The following LIMCH1 variants were observed in gnomAD, a reference collection of about 807,000 sequenced individuals.
LIMCH1 encodes the protein LIM and calponin homology domains-containing protein 1.
A neutral mutation model predicts 176.5 loss-of-function variants in LIMCH1; 113 were observed. That is an observed-to-expected ratio of 0.64 (90% CI 0.55 to 0.75). The LOEUF is 0.75. Among genes scored for constraint, LIMCH1 ranks in the 30% least tolerant of loss-of-function variants. The pLI, the probability that LIMCH1 is intolerant of heterozygous loss-of-function variation, is 0.00. For missense variants in LIMCH1, 1,674 were observed against 1,814.9 expected (o/e 0.92, Z 1.41); for synonymous variants, 619 against 645.9 (o/e 0.96, Z 0.63).
intron 1 of LIMCH1, among the ~76,000 whole-genome samples, chr4:41,556,959 T>C (rs2152537261): frequency 6.6e-6 from 1 of 152,320 alleles, no homozygotes; most frequent in East Asian, 1.9e-4. Context: ...GCTAGGTTAA[T>C]AGAGCTCTTT....
intron 3 of LIMCH1, among the ~76,000 whole-genome samples, chr4:41,530,089 T>C (rs2077094401): frequency 6.6e-6 from 1 of 152,228 alleles, no homozygotes; most frequent in Admixed American, 6.5e-5. Flanking sequence ...TGCTTTAGTT[T>C]ATGAAAACTG....
At chr4:41,630,350 T>A (rs1218935489) in intron 9 of LIMCH1, among the ~76,000 whole-genome samples, 2 of 152,170 alleles carry the variant, frequency 1.3e-5, no homozygotes, top group Non-Finnish European at 2.9e-5. Flanking sequence ...CAGCATGAGA[T>A]GAATTTATTA....
chr4:41,420,181 G>A (rs140465405), intron 1 of LIMCH1, among the ~76,000 whole-genome samples: 14 of 152,248 alleles, frequency 9.2e-5, no homozygotes, highest in East Asian at 5.8e-4. Flanking sequence ...TCCATTTTCC[G>A]TGTGTCAGTG....
intron 13 of LIMCH1, among the ~76,000 whole-genome samples, chr4:41,634,990 G>C (rs992393212): frequency 2.6e-5 from 4 of 152,182 alleles, no homozygotes; most frequent in African/African-American, 7.2e-5. Flanking sequence ...GTGAGGCCTA[G>C]AGACTGCCTA....
chr4:41,435,000 C>A (rs2061938985), intron 1 of LIMCH1, among the ~76,000 whole-genome samples: 3 of 152,110 alleles, frequency 2.0e-5, no homozygotes, highest in Admixed American at 6.6e-5. Context: ...TATCTTAATC[C>A]TTAGAGCCTC....
At chr4:41,455,747 G>C (rs755521024) in intron 1 of LIMCH1, among the ~76,000 whole-genome samples, 4 of 152,192 alleles carry the variant, frequency 2.6e-5, no homozygotes, top group African/African-American at 7.2e-5. Flanking sequence ...TTTGAGTTTG[G>C]TGACTTATTC....
chr4:41,553,118 G>T (rs2080741680), intron 1 of LIMCH1, among the ~76,000 whole-genome samples: 1 of 152,146 alleles, frequency 6.6e-6, no homozygotes, highest in African/African-American at 2.4e-5. Flanking sequence ...TGGCCAGTTG[G>T]TCTCTGCGAG....
At chr4:41,511,995 C>G (rs1403296374) in intron 2 of LIMCH1, among the ~76,000 whole-genome samples, 1 of 152,010 alleles carries the variant, frequency 6.6e-6, no homozygotes, top group Non-Finnish European at 1.5e-5. Flanking sequence ...AAAATATTTG[C>G]AAATCATATA....
At chr4:41,674,752 T>C (rs981993754) in intron 22 of LIMCH1, among the ~76,000 whole-genome samples, 4 of 152,226 alleles carry the variant, frequency 2.6e-5, no homozygotes, top group Admixed American at 2.0e-4. Context: ...TATTTTATGA[T>C]AAAGTGTTGA....
At chr4:41,593,932 T>G (rs1427519688) in intron 1 of LIMCH1, among the ~76,000 whole-genome samples, 1 of 151,950 alleles carries the variant, frequency 6.6e-6, no homozygotes, top group Non-Finnish European at 1.5e-5. Context: ...ACTCGCAACC[T>G]CTCTCTCTCT....
intron 1 of LIMCH1, among the ~76,000 whole-genome samples, chr4:41,542,901 C>G (rs1338356801): frequency 6.6e-6 from 1 of 152,212 alleles, no homozygotes; most frequent in Non-Finnish European, 1.5e-5. Context: ...TAACATTGTC[C>G]TCACATTATT....
At chr4:41,657,757 A>C (rs946751931) in intron 18 of LIMCH1, among the ~76,000 whole-genome samples, 1 of 152,184 alleles carries the variant, frequency 6.6e-6, no homozygotes, top group African/African-American at 2.4e-5. Flanking sequence ...TATTTACTTA[A>C]CAAGGATTAC....
At chr4:41,458,168 A>C (rs1399582319) in intron 1 of LIMCH1, among the ~76,000 whole-genome samples, 4 of 152,152 alleles carry the variant, frequency 2.6e-5, no homozygotes, top group African/African-American at 7.2e-5. Flanking sequence ...GTACCCACAA[A>C]ATTTTTAAAA....
intron 1 of LIMCH1, among the ~76,000 whole-genome samples, chr4:41,475,025 G>A (rs2067522988): frequency 6.6e-6 from 1 of 152,108 alleles, no homozygotes; most frequent in African/African-American, 2.4e-5. Context: ...CAATATGAGC[G>A]AACCTAGAGG....
In LIMCH1 at chr4:41,378,103, C is replaced by A. The variant is rs138527586; in HGVS notation, c.96+17167C>A. Among the ~76,000 whole-genome samples the A allele has an allele frequency of 7.2e-3, 1,100 of 152,186 alleles. 5 individuals carry two copies. Among genetic ancestry groups the A allele is most frequent in the Non-Finnish European group, 0.011 (721 of 68,034 alleles). ...AGAGGTGACAGCAATGGCTAGACCTCGAAGGGAACATGAGCAGAGGCATGG... is the reference window on the plus strand; with the variant it reads ...AGAGGTGACAGCAATGGCTAGACCTAGAAGGGAACATGAGCAGAGGCATGG... On this transcript the variant is annotated intron_variant, in intron 1 of 26. Transcript: ENST00000313860.
intron 1 of LIMCH1, among the ~76,000 whole-genome samples, chr4:41,400,090 A>G (rs2058260339): frequency 6.6e-6 from 1 of 151,828 alleles, no homozygotes; most frequent in African/African-American, 2.4e-5. Flanking sequence ...GGTAAGTAAT[A>G]AAACCAAGGT....
chr4:41,658,305 GCTA>G (rs1283943612), intron 18 of LIMCH1, among the ~76,000 whole-genome samples: 2 of 152,178 alleles, frequency 1.3e-5, no homozygotes, highest in Non-Finnish European at 2.9e-5. Context: ...TTCTGCTGTT[GCTA>G]CTATCAAGTT....
intron 2 of LIMCH1, among the ~76,000 whole-genome samples, chr4:41,504,277 C>T (rs1465975792): frequency 2.0e-5 from 3 of 152,176 alleles, no homozygotes; most frequent in Non-Finnish European, 2.9e-5. Context: ...CCTGATATCT[C>T]TTCATTCTGA....
intron 1 of LIMCH1, among the ~76,000 whole-genome samples, chr4:41,430,964 G>C (rs2061559779): frequency 6.6e-6 from 1 of 152,056 alleles, no homozygotes; most frequent in Non-Finnish European, 1.5e-5. Flanking sequence ...GGAAAGTGTA[G>C]CAATTCTGCA....
Sources: gnomAD v4.1 joint callset for allele counts (sites outside exome capture counted in the v4.1 genomes callset) on GRCh38, gnomAD v4.1.1 for gene constraint, MANE v1.5 for transcripts, NCBI Gene and HGNC (gene_info 2026-07-23, HGNC 2026-07-21) for gene names.